Variants in VWA5B1 observed in about 807,000 individuals in gnomAD.
The protein encoded by VWA5B1 is von Willebrand factor A domain containing 5B1.
VWA5B1 carries 115 observed loss-of-function variants against 118.2 expected under a neutral mutation model. The ratio of observed to expected loss-of-function variants is 0.97; its 90% CI spans 0.84 to 1.14. The LOEUF (loss-of-function observed/expected upper bound fraction) is 1.14, where lower values mean the gene tolerates loss of function less well. Ranked by LOEUF, VWA5B1 falls within the 50% of genes most tolerant of loss-of-function variation. VWA5B1 has a pLI of 0.00. For missense variants in VWA5B1, 1,596 were observed against 1,603.8 expected, an observed-to-expected ratio of 1.00 and a Z score of 0.08; for synonymous variants, 682 against 658.4, an observed-to-expected ratio of 1.04 and a Z score of -0.55.
Position 20,336,329 on chromosome 1 carries a change from G to T in VWA5B1, c.1785G>T (p.Leu595=). 6.6e-7 allele frequency: 1 copy of T among 1,507,128 alleles called. No homozygotes were observed. Among genetic ancestry groups the T allele is most frequent in the Non-Finnish European group, 8.9e-7 (1 of 1,123,032 alleles). The allele number at this position is 1,507,128 out of a possible 1,614,324, so 93.4% of individuals were successfully genotyped here. A position where few individuals can be genotyped will look rare whatever the true frequency, so the allele number is the denominator to read the frequency against. The change falls in exon 13 of 22, where the codon CTG becomes CTT. Residue 595 remains leucine (L), a synonymous_variant. Coordinates refer to ENST00000289815, the MANE Select transcript of VWA5B1 (RefSeq NM_001039500.3). ...RSDKRRRYSM[L]HSQESGSSVF... Reference sequence around the variant, plus strand: ...ACAAGAGGCGCCGGTACAGCATGCTGCACTCTCAGGAGTCTGGCAGCTCTG... The same window carrying T: ...ACAAGAGGCGCCGGTACAGCATGCTTCACTCTCAGGAGTCTGGCAGCTCTG...
intron 18 of VWA5B1, 87 bp downstream of exon 18, chr1:20,348,445 C>T (rs1270665473): frequency 3.7e-6 from 5 of 1,339,794 alleles, no homozygotes; most frequent in Admixed American, 3.9e-5. Context: ...TGTCCGAGGC[C>T]CTAGGACCAC....
At chr1:20,332,236 T>C (rs2089575652) in intron 11 of VWA5B1, among the ~76,000 whole-genome samples, 1 of 152,018 alleles carries the variant, frequency 6.6e-6, no homozygotes, top group Non-Finnish European at 1.5e-5. Context: ...TCCCAGTACT[T>C]TGGGAGGCCT....
At chr1:20,352,720 G>A (rs992503433) in intron 21 of VWA5B1, among the ~76,000 whole-genome samples, 6 of 152,280 alleles carry the variant, frequency 3.9e-5, no homozygotes, top group Middle Eastern at 3.4e-3. Context: ...GGAAACAGAG[G>A]ATGCTCAAAG....
chr1:20,353,735 G>A lies in VWA5B1; in HGVS notation c.3142-22G>A, dbSNP rs142676906. 50 of 1,449,510 alleles carry A rather than the reference G, an allele frequency of 3.4e-5. No homozygotes were observed. In the African/African-American group the frequency reaches 6.2e-4, roughly 18 times the overall value. The allele number at this position is 1,449,510 out of a possible 1,614,324, so 89.8% of individuals were successfully genotyped here. ...TGGGCTAAAACATTTGAGGCCCACT[G>A]AAGGGCTTCCCCCACACACAGGTGT... On this transcript the variant is annotated intron_variant, in intron 21 of 21. Transcript: ENST00000289815.
At chr1:20,294,244 G>A (rs2088363677) in intron 1 of VWA5B1, 1 of 152,216 alleles carries the variant, frequency 6.6e-6, no homozygotes, top group African/African-American at 2.4e-5. Flanking sequence ...TGAGTCAACT[G>A]CTTATGCATC....
intron 18 of VWA5B1, among the ~76,000 whole-genome samples, chr1:20,349,595 C>T (rs2090081663): frequency 3.3e-5 from 5 of 151,938 alleles, no homozygotes; most frequent in Admixed American, 3.3e-4. Context: ...ATTGGCCAGG[C>T]TGGTCGCGAA....
intron 1 of VWA5B1, among the ~76,000 whole-genome samples, chr1:20,306,724 G>A (rs1189577198): frequency 6.6e-6 from 1 of 152,150 alleles, no homozygotes; most frequent in African/African-American, 2.4e-5. Context: ...TTGGGATTTA[G>A]CATCTCTAGG....
intron 8 of VWA5B1, among the ~76,000 whole-genome samples, chr1:20,325,483 AT>A (rs1303748441): frequency 1.3e-5 from 2 of 151,884 alleles, no homozygotes; most frequent in Non-Finnish European, 2.9e-5. Context: ...TGGTCATGAC[AT>A]TTTTTTTCCT....
chr1:20,295,914 G>T (rs1181602994), intron 1 of VWA5B1, among the ~76,000 whole-genome samples: 2 of 152,168 alleles, frequency 1.3e-5, no homozygotes, highest in African/African-American at 4.8e-5. Flanking sequence ...CCAGGCTGGA[G>T]TGCAATGGTG....
chr1:20,314,174 A>G (rs544071060), intron 3 of VWA5B1, 148 bp from the exon 4 acceptor site: 21 of 811,044 alleles, frequency 2.6e-5, no homozygotes, highest in African/African-American at 2.2e-4. Context: ...TCCTGCTTCA[A>G]TGGCTTACTT....
chr1:20,323,003 C>T (rs186711177), intron 7 of VWA5B1: 10 of 174,024 alleles, frequency 5.7e-5, no homozygotes, highest in Non-Finnish European at 7.3e-5. Context: ...GGGCTTCTCG[C>T]GTCTGTGCTG....
At chr1:20,293,108 C>T (rs1406350139) in intron 1 of VWA5B1, among the ~76,000 whole-genome samples, 8 of 152,218 alleles carry the variant, frequency 5.3e-5, no homozygotes, top group Non-Finnish European at 1.2e-4. Flanking sequence ...AGAGGACAGG[C>T]AGCCCCACCC....
Position 20,343,405 on chromosome 1 carries a change from G to T in VWA5B1, c.2626+12G>T, listed in dbSNP as rs927424220. On this transcript the variant is annotated intron_variant, in intron 16 of 21. Coordinates refer to ENST00000289815, the MANE Select transcript of VWA5B1 (RefSeq NM_001039500.3). ...CGAGATCGAGCAGGGTGAGCGCCACGGAACTGCGCCCCTCCCGCGGACGGC... is the reference window on the plus strand; with the variant it reads ...CGAGATCGAGCAGGGTGAGCGCCACTGAACTGCGCCCCTCCCGCGGACGGC... The T allele has an allele frequency of 2.7e-6, 4 of 1,499,044 alleles. No homozygotes were observed. Among genetic ancestry groups the T allele is most frequent in the Middle Eastern group, 1.7e-4 (1 of 5,742 alleles). The allele number at this position is 1,499,044 out of a possible 1,614,324, so 92.9% of individuals were successfully genotyped here.
At chr1:20,325,287 C>A (rs2089343536) in intron 8 of VWA5B1, among the ~76,000 whole-genome samples, 1 of 152,240 alleles carries the variant, frequency 6.6e-6, no homozygotes, top group South Asian at 2.1e-4. Flanking sequence ...AAAGCAACAC[C>A]TGGATTCCAG....
At chr1:20,326,112 G>A (rs1427052173) in intron 8 of VWA5B1, among the ~76,000 whole-genome samples, 1 of 152,112 alleles carries the variant, frequency 6.6e-6, no homozygotes, top group African/African-American at 2.4e-5. Flanking sequence ...AGTGACTAAT[G>A]AAAAAATAAG....
At chr1:20,350,283 C>T in intron 19 of VWA5B1, 53 bp downstream of exon 19, 1 of 1,543,376 alleles carries the variant, frequency 6.5e-7, no homozygotes, top group Non-Finnish European at 8.8e-7. Flanking sequence ...AGGGATTGGT[C>T]CTGGGGTCAG....
At chr1:20,309,442 G>C (rs889856379) in intron 1 of VWA5B1, among the ~76,000 whole-genome samples, 2 of 152,216 alleles carry the variant, frequency 1.3e-5, no homozygotes, top group African/African-American at 2.4e-5. Context: ...GGGGTTACTG[G>C]TTTAAAAATG....
chr1:20,339,658 T>C (rs74056516), intron 14 of VWA5B1, among the ~76,000 whole-genome samples: 2,256 of 152,096 alleles, frequency 0.015, 57 homozygotes, highest in African/African-American at 0.051. Context: ...CCCTCCCACT[T>C]CCAACCACCA....
chr1:20,335,121 C>A (rs1298563186), intron 12 of VWA5B1, among the ~76,000 whole-genome samples: 1 of 152,150 alleles, frequency 6.6e-6, no homozygotes, highest in African/African-American at 2.4e-5. Context: ...CCAGCCTGGG[C>A]AACCTAGTGA....
Sources: gnomAD v4.1 joint callset for allele counts (sites outside exome capture counted in the v4.1 genomes callset) on GRCh38, gnomAD v4.1.1 for gene constraint, MANE v1.5 for transcripts, NCBI Gene and HGNC (gene_info 2026-07-23, HGNC 2026-07-21) for gene names.